PLCB4: variants seen among roughly 807,000 people sequenced by gnomAD.
The protein encoded by PLCB4 is 1-phosphatidylinositol 4,5-bisphosphate phosphodiesterase beta-4.
PLCB4 carries 77 observed loss-of-function variants against 178.8 expected under a neutral mutation model. The observed-to-expected ratio is 0.43, with a 90% CI of 0.36 to 0.52. The LOEUF is 0.52. PLCB4 is among the 20% of genes least tolerant of loss of function. The pLI is 0.00. For synonymous variants in PLCB4, 496 were observed against 490.8 expected (o/e 1.01, Z -0.14); for missense variants, 1,024 against 1,453.4 (o/e 0.70, Z 4.80).
chr20:9,398,517 A>G (rs1312222157), intron 19 of PLCB4, among the ~76,000 whole-genome samples: 3 of 152,202 alleles, frequency 2.0e-5, no homozygotes, highest in Non-Finnish European at 4.4e-5. Context: ...TGGTAATTAA[A>G]ATATGTAAGG....
chr20:9,473,879 T>C (rs2122684820), intron 38 of PLCB4, among the ~76,000 whole-genome samples: 1 of 152,270 alleles, frequency 6.6e-6, no homozygotes, highest in Admixed American at 6.5e-5. Flanking sequence ...TCTTGGTCTT[T>C]TTCCCTGCAA....
At chr20:9,430,465 G>A (rs2041319249) in intron 28 of PLCB4, among the ~76,000 whole-genome samples, 1 of 152,134 alleles carries the variant, frequency 6.6e-6, no homozygotes. Context: ...GCCTCTAACT[G>A]CAAATAAAAC....
chr20:9,386,209 C>T (rs183733617), intron 14 of PLCB4, among the ~76,000 whole-genome samples: 18 of 149,900 alleles, frequency 1.2e-4, no homozygotes, highest in Admixed American at 1.0e-3. Context: ...GCCGAGACCA[C>T]GGCAGTATAG....
chr20:9,176,537 A>T (rs899897863), intron 2 of PLCB4, among the ~76,000 whole-genome samples: 10 of 152,340 alleles, frequency 6.6e-5, no homozygotes, highest in East Asian at 1.9e-4. Context: ...TTATGTTGAT[A>T]TCTACTGCAT....
At chr20:9,350,277 TAGC>T (rs1014453294) in intron 7 of PLCB4, among the ~76,000 whole-genome samples, 70 of 152,300 alleles carry the variant, frequency 4.6e-4, no homozygotes, top group East Asian at 1.5e-3. Context: ...CTAATAATAG[TAGC>T]AGCAGCAGCA....
chr20:9,386,366 T>C (rs1040506453), intron 14 of PLCB4, among the ~76,000 whole-genome samples: 1 of 152,240 alleles, frequency 6.6e-6, no homozygotes, highest in African/African-American at 2.4e-5. Context: ...GTTTTTGTTT[T>C]ATAGAAACTG....
intron 28 of PLCB4, among the ~76,000 whole-genome samples, chr20:9,429,391 G>A (rs902664485): frequency 6.6e-6 from 1 of 152,112 alleles, no homozygotes; most frequent in African/African-American, 2.4e-5. Flanking sequence ...AAACTAAATG[G>A]GAAATAGGCA....
intron 33 of PLCB4, 120 bp downstream of exon 33, chr20:9,453,582 A>C: frequency 3.3e-6 from 2 of 606,820 alleles, no homozygotes; most frequent in South Asian, 4.1e-5. Flanking sequence ...TCATCATTAA[A>C]AATTATTCCT....
chr20:9,413,196 G>A (rs1008289834), intron 25 of PLCB4, among the ~76,000 whole-genome samples: 2 of 152,180 alleles, frequency 1.3e-5, no homozygotes, highest in African/African-American at 2.4e-5. Flanking sequence ...GTGGCCCGGT[G>A]ATGCTTGAAG....
intron 4 of PLCB4, among the ~76,000 whole-genome samples, chr20:9,326,969 T>G (rs2080701060): frequency 6.6e-6 from 1 of 152,216 alleles, no homozygotes; most frequent in African/African-American, 2.4e-5. Flanking sequence ...TTTGTATTTC[T>G]GCCTCATATT....
rs6056593 is a variant in PLCB4 at position 9,393,164 on chromosome 20, A to G, written c.1324-424A>G. On this transcript the variant is annotated intron_variant, in intron 17 of 39. Coordinates refer to ENST00000378473, the MANE Select transcript of PLCB4 (RefSeq NM_001377142.1). ...GTCAGCCTACTCAGCAGACAGGCTT[A>G]CTATACAGCCTGACACTTGGGGGGA... Among the ~76,000 whole-genome samples the G allele has an allele frequency of 4.3e-3, 650 of 152,308 alleles. 5 individuals are homozygous for G. The highest frequency in any genetic ancestry group is 0.015 in the African/African-American group (617 of 41,558).
chr20:9,249,719 C>T (rs1044055566), intron 3 of PLCB4, among the ~76,000 whole-genome samples: 2 of 152,152 alleles, frequency 1.3e-5, no homozygotes, highest in African/African-American at 2.4e-5. Flanking sequence ...CCTATCACAT[C>T]CCCTAAACCA....
chr20:9,468,620 A>C lies in PLCB4; in HGVS notation c.3298A>C (p.Ser1100Arg). 2 of 1,612,602 alleles carry C rather than the reference A, an allele frequency of 1.2e-6. No homozygotes were observed. Among genetic ancestry groups the C allele is most frequent in the Non-Finnish European group, 1.7e-6 (2 of 1,178,738 alleles). The change falls in exon 36 of 40, where the codon AGC (serine) becomes CGC (arginine). Residue 1100 changes from serine to arginine, a missense_variant. This residue lies in a region of PLCB4 where 264 missense variants were observed against 283.2 expected (regional missense o/e 0.93). Transcript: ENST00000378473. The part of the protein sequence containing the change: ...AHQAKISMEN[S>R]KAISQDKSIK... The stretch of plus-strand genomic sequence containing the variant: ...CCAGGCTAAGATTTCTATGGAAAAT[A>C]GCAAAGCCATCAGCCAAGATAAATC...
At chr20:9,118,519 T>C (rs2146734107) in intron 2 of PLCB4, among the ~76,000 whole-genome samples, 1 of 152,082 alleles carries the variant, frequency 6.6e-6, no homozygotes, top group South Asian at 2.1e-4. Flanking sequence ...TATCAAGACA[T>C]TTTACATTCT....
chr20:9,233,029 G>A (rs2147361001), intron 3 of PLCB4, among the ~76,000 whole-genome samples: 1 of 152,196 alleles, frequency 6.6e-6, no homozygotes, highest in Admixed American at 6.5e-5. Flanking sequence ...GAGTGCTAGA[G>A]ACAGTGATTT....
chr20:9,216,509 G>T (rs1199431641), intron 2 of PLCB4, among the ~76,000 whole-genome samples: 1 of 149,230 alleles, frequency 6.7e-6, no homozygotes, highest in African/African-American at 2.5e-5. Flanking sequence ...GAGCCACTGC[G>T]CCCGGCCTGA....
intron 4 of PLCB4, among the ~76,000 whole-genome samples, chr20:9,314,149 G>A (rs1293179229): frequency 6.6e-6 from 1 of 152,144 alleles, no homozygotes; most frequent in Non-Finnish European, 1.5e-5. Context: ...TGGAGTACAG[G>A]GGTGAAGGCA....
intron 4 of PLCB4, among the ~76,000 whole-genome samples, chr20:9,319,802 G>T (rs1484381325): frequency 6.6e-6 from 1 of 152,128 alleles, no homozygotes; most frequent in East Asian, 1.9e-4. Context: ...TCCAGAAACA[G>T]CCTCACAGAC....
intron 3 of PLCB4, among the ~76,000 whole-genome samples, chr20:9,267,657 A>C (rs1232811084): frequency 6.6e-6 from 1 of 152,184 alleles, no homozygotes; most frequent in Non-Finnish European, 1.5e-5. Context: ...GAAAATATGT[A>C]GAAAAATATA....
Sources: gnomAD v4.1 joint callset for allele counts (sites outside exome capture counted in the v4.1 genomes callset) on GRCh38, gnomAD v4.1.1 for gene constraint, gnomAD v4.1.1 regional missense constraint, MANE v1.5 for transcripts, NCBI Gene and HGNC (gene_info 2026-07-23, HGNC 2026-07-21) for gene names.